The following SLC49A4 variants were observed in gnomAD, a reference collection of about 807,000 sequenced individuals.
SLC49A4 encodes solute carrier family 49 member 4, also known as disrupted in renal cancer protein 2.
A neutral mutation model predicts 50.6 loss-of-function variants in SLC49A4; 36 were observed. That is an observed-to-expected ratio of 0.71 (90% CI 0.55 to 0.94). The LOEUF (loss-of-function observed/expected upper bound fraction) is 0.94. Among genes scored for constraint, SLC49A4 ranks in the 40% least tolerant of loss-of-function variants. The pLI is 0.00. For synonymous variants in SLC49A4, 248 were observed against 241.2 expected (o/e 1.03, Z -0.26); for missense variants, 503 against 605.7 (o/e 0.83, Z 1.78).
rs1036452901 is a variant in SLC49A4 at position 122,880,715 on chromosome 3, G to A, written c.*1337G>A. 6.6e-6 allele frequency: 1 copy of A among 152,266 alleles called. No homozygotes were observed. The highest frequency in any genetic ancestry group is 1.5e-5 in the Non-Finnish European group (1 of 68,094). 9.4% of individuals were successfully genotyped at this position (152,266 alleles called of 1,614,324 possible). Reference sequence around the variant, plus strand: ...ATACTTTTGTGTTTTCCTGGACAGAGTGCAAGTGGCTCTTATCAGCCAAGG... The same window carrying A: ...ATACTTTTGTGTTTTCCTGGACAGAATGCAAGTGGCTCTTATCAGCCAAGG... On this transcript the variant is annotated 3_prime_UTR_variant, in exon 9 of 9. Coordinates refer to ENST00000261038, the MANE Select transcript of SLC49A4 (RefSeq NM_032839.3).
rs555447456 is a variant in SLC49A4 at position 122,838,709 on chromosome 3, TAATAA to T, written c.833+5276_833+5280del. ...TACCCTAAAACTTAAAGTATAATAA[TAATAA>T]AATAAAATAAAAAGAAATCATAGAT... On this transcript the variant is annotated intron_variant, in intron 4 of 8. Coordinates refer to ENST00000261038, the MANE Select transcript of SLC49A4 (RefSeq NM_032839.3). Among the ~76,000 whole-genome samples the T allele has an allele frequency of 1.5e-3, 231 of 151,454 alleles. 1 individual carries two copies. Among genetic ancestry groups the T allele is most frequent in the Middle Eastern group, 6.9e-3 (2 of 290 alleles).
chr3:122,864,057 T>C (rs1469174057), intron 7 of SLC49A4, among the ~76,000 whole-genome samples: 1 of 152,194 alleles, frequency 6.6e-6, no homozygotes, highest in African/African-American at 2.4e-5. Flanking sequence ...CCCAACCTCA[T>C]TAAAACTAAA....
intron 3 of SLC49A4, among the ~76,000 whole-genome samples, chr3:122,827,753 A>C (rs993146479): frequency 1.3e-5 from 2 of 152,230 alleles, no homozygotes; most frequent in East Asian, 3.8e-4. Flanking sequence ...GCTAAGCACT[A>C]GGAATTGGTA....
chr3:122,804,268 C>G (rs1214030009), intron 1 of SLC49A4, among the ~76,000 whole-genome samples: 1 of 152,190 alleles, frequency 6.6e-6, no homozygotes, highest in South Asian at 2.1e-4. Context: ...GATCTCATCT[C>G]CTGTGAACTC....
At chr3:122,864,035 T>A (rs1279175388) in intron 7 of SLC49A4, among the ~76,000 whole-genome samples, 2 of 151,946 alleles carry the variant, frequency 1.3e-5, no homozygotes, top group Non-Finnish European at 2.9e-5. Context: ...ATTACAGGAG[T>A]GAGTCACCAC....
chr3:122,825,329 G>A (rs1336699950), intron 2 of SLC49A4, among the ~76,000 whole-genome samples: 1 of 152,278 alleles, frequency 6.6e-6, no homozygotes, highest in East Asian at 1.9e-4. Context: ...TGGTTCCACT[G>A]GCTTTTGGAG....
At chr3:122,857,238 A>G (rs1371732395) in intron 6 of SLC49A4, among the ~76,000 whole-genome samples, 2 of 149,748 alleles carry the variant, frequency 1.3e-5, no homozygotes, top group African/African-American at 4.9e-5. Flanking sequence ...TTACAACAAC[A>G]CATTGTTAGA....
chr3:122,867,778 G>A (rs1028800008), intron 7 of SLC49A4, among the ~76,000 whole-genome samples: 22 of 151,988 alleles, frequency 1.4e-4, no homozygotes, highest in Admixed American at 8.5e-4. Context: ...TCAGGAGATC[G>A]AGACCATCCT....
Position 122,881,072 on chromosome 3 carries a change from AAAC to A in SLC49A4, c.*1697_*1699del, listed in dbSNP as rs1222840999. On this transcript the variant is annotated 3_prime_UTR_variant, in exon 9 of 9. Coordinates refer to ENST00000261038, the MANE Select transcript of SLC49A4 (RefSeq NM_032839.3). ...AAGGAACTTGCTAAAGAGAAGAAGA[AAAC>A]AAAAGCTAGACTTAGTTCCAGTTAA... The A allele has an allele frequency of 6.6e-6, 1 of 152,232 alleles. No homozygotes were observed. 9.4% of individuals were successfully genotyped at this position (152,232 alleles called of 1,614,324 possible).
At chr3:122,821,078 C>A (rs1205938366) in intron 2 of SLC49A4, among the ~76,000 whole-genome samples, 1 of 152,136 alleles carries the variant, frequency 6.6e-6, no homozygotes, top group East Asian at 1.9e-4. Context: ...AGGGCATTTC[C>A]CCTGCACACA....
intron 4 of SLC49A4, among the ~76,000 whole-genome samples, chr3:122,837,819 A>G (rs1419374921): frequency 6.6e-6 from 1 of 152,158 alleles, no homozygotes; most frequent in African/African-American, 2.4e-5. Context: ...TTATCTGACA[A>G]AGGGCTAATA....
chr3:122,868,333 GA>G (rs1001242769), intron 7 of SLC49A4, among the ~76,000 whole-genome samples: 3 of 151,694 alleles, frequency 2.0e-5, no homozygotes, highest in Non-Finnish European at 4.4e-5. Context: ...CTTTTTATTA[GA>G]AAAAAAACTG....
chr3:122,845,937 C>T (rs1236043268), intron 5 of SLC49A4, 66 bp downstream of exon 5: 10 of 1,203,602 alleles, frequency 8.3e-6, no homozygotes, highest in African/African-American at 6.2e-5. Context: ...ATACTGGTTA[C>T]GTGTTCTTGG....
At chr3:122,824,730 C>CTTTTTTTT (rs71621693) in intron 2 of SLC49A4, among the ~76,000 whole-genome samples, 2 of 82,914 alleles carry the variant, frequency 2.4e-5, no homozygotes, top group Non-Finnish European at 4.8e-5. Context: ...TTTTTTCCTT[C>CTTTTTTTT]TTTTTTTTTT....
intron 6 of SLC49A4, among the ~76,000 whole-genome samples, chr3:122,858,065 C>T (rs200551061): frequency 1.6e-4 from 25 of 152,286 alleles, no homozygotes; most frequent in Middle Eastern, 6.8e-3. Flanking sequence ...AAATTACTTT[C>T]CTGACACCAT....
intron 2 of SLC49A4, among the ~76,000 whole-genome samples, chr3:122,820,997 G>A (rs1049931352): frequency 4.6e-5 from 7 of 152,184 alleles, no homozygotes; most frequent in Admixed American, 2.6e-4. Context: ...TAATTGAATC[G>A]GGGGTGGTTA....
At chr3:122,824,594 G>A (rs779847064) in intron 2 of SLC49A4, among the ~76,000 whole-genome samples, 7 of 150,576 alleles carry the variant, frequency 4.6e-5, no homozygotes, top group Non-Finnish European at 7.4e-5. Flanking sequence ...TTTCTTTCCT[G>A]TCTTTCCTTT....
At chr3:122,869,714 A>G (rs1937170120) in intron 7 of SLC49A4, among the ~76,000 whole-genome samples, 1 of 152,216 alleles carries the variant, frequency 6.6e-6, no homozygotes, top group Admixed American at 6.5e-5. Context: ...TATCTTTCCA[A>G]CGACAGTTAA....
intron 6 of SLC49A4, among the ~76,000 whole-genome samples, 157 bp downstream of exon 6, chr3:122,856,531 C>T (rs1382330646): frequency 3.3e-5 from 5 of 152,074 alleles, no homozygotes; most frequent in African/African-American, 9.7e-5. Flanking sequence ...AATTCATATG[C>T]GTTATATAGA....
Sources: gnomAD v4.1 joint callset for allele counts (sites outside exome capture counted in the v4.1 genomes callset) on GRCh38, gnomAD v4.1.1 for gene constraint, MANE v1.5 for transcripts, NCBI Gene and HGNC (gene_info 2026-07-23, HGNC 2026-07-21) for gene names.